The following PDE1C variants were observed in gnomAD, a reference collection of about 807,000 sequenced individuals.
PDE1C encodes dual specificity calcium/calmodulin-dependent 3',5'-cyclic nucleotide phosphodiesterase 1C.
PDE1C carries 62 observed loss-of-function variants against 93.1 expected under a neutral mutation model. The observed-to-expected ratio is 0.67, with a 90% confidence interval of 0.54 to 0.82. The LOEUF is 0.82. Among genes scored for constraint, PDE1C ranks in the 40% least tolerant of loss-of-function variants. The pLI is 0.00. For missense variants in PDE1C, 742 were observed against 884.6 expected (o/e 0.84, Z 2.04); for synonymous variants, 325 against 310.1 (o/e 1.05, Z -0.50).
At chr7:31,767,228 A>G (rs1024989261) in intron 17 of PDE1C, among the ~76,000 whole-genome samples, 2 of 151,606 alleles carry the variant, frequency 1.3e-5, no homozygotes, top group Non-Finnish European at 2.9e-5. Flanking sequence ...ATTGTTGTTC[A>G]TTTGTTGATT....
At chr7:31,730,644 T>G in the PDE1C span, among the ~76,000 whole-genome samples, 3 of 152,218 alleles carry the variant, frequency 2.0e-5, no homozygotes, top group Non-Finnish European at 4.4e-5. Context: ...GCCAAGTACT[T>G]TATTAGGTAC....
intron 7 of PDE1C, 181 bp from the exon 8 acceptor site, chr7:31,850,922 T>G: frequency 3.5e-6 from 2 of 579,592 alleles, no homozygotes; most frequent in Non-Finnish European, 6.2e-6. Context: ...GACTTGTGAT[T>G]TGTTAACAAT....
At chr7:32,339,101 TTA>T (rs1303884501) in intron 1 of PDE1C, among the ~76,000 whole-genome samples, 1 of 151,696 alleles carries the variant, frequency 6.6e-6, no homozygotes, top group Non-Finnish European at 1.5e-5. Context: ...AAATTGAGTT[TTA>T]TTCAGCCTTA....
At chr7:32,130,874 C>A (rs55927570) in intron 3 of PDE1C, among the ~76,000 whole-genome samples, 30,819 of 151,902 alleles carry the variant, frequency 0.2, 3,761 homozygotes, top group Middle Eastern at 0.3. Flanking sequence ...TATAAGAGCA[C>A]CTCCTCATCT....
At chr7:32,082,966 G>A (rs1319808872) in intron 3 of PDE1C, among the ~76,000 whole-genome samples, 6 of 150,546 alleles carry the variant, frequency 4.0e-5, no homozygotes, top group Admixed American at 6.6e-5. Flanking sequence ...CCAAAGGAAC[G>A]CAGTTCCTCA....
chr7:32,316,033 A>G (rs1783163778), intron 1 of PDE1C, among the ~76,000 whole-genome samples: 2 of 152,206 alleles, frequency 1.3e-5, no homozygotes, highest in African/African-American at 4.8e-5. Flanking sequence ...TAAGATAAAT[A>G]TTAAACTAAA....
At chr7:32,002,341 C>G (rs540894398) in intron 2 of PDE1C, among the ~76,000 whole-genome samples, 1 of 152,134 alleles carries the variant, frequency 6.6e-6, no homozygotes, top group African/African-American at 2.4e-5. Context: ...TGCTACCCAG[C>G]CAAAGCAGGA....
the PDE1C span, among the ~76,000 whole-genome samples, chr7:31,725,449 A>C: frequency 6.6e-6 from 1 of 152,216 alleles, no homozygotes; most frequent in Non-Finnish European, 1.5e-5. Flanking sequence ...ATTTCTTACC[A>C]AAAGGAGAGC....
At chr7:31,670,837 T>C in the PDE1C span, among the ~76,000 whole-genome samples, 1 of 151,996 alleles carries the variant, frequency 6.6e-6, no homozygotes, top group Non-Finnish European at 1.5e-5. Flanking sequence ...CCTGTGCCCA[T>C]AAAAACCACA....
At chr7:31,838,134 A>C (rs1304421340) in intron 9 of PDE1C, among the ~76,000 whole-genome samples, 163 bp from the exon 10 acceptor site, 3 of 152,214 alleles carry the variant, frequency 2.0e-5, no homozygotes, top group Non-Finnish European at 4.4e-5. Flanking sequence ...GGAATAAATG[A>C]AAGCTAAGTA....
chr7:32,063,659 G>C (rs1795057074), intron 1 of PDE1C, among the ~76,000 whole-genome samples: 1 of 152,136 alleles, frequency 6.6e-6, no homozygotes, highest in African/African-American at 2.4e-5. Flanking sequence ...TACTTCTTTT[G>C]ATATTCACAT....
At chr7:31,657,486 G>A in the PDE1C span, among the ~76,000 whole-genome samples, 4 of 152,152 alleles carry the variant, frequency 2.6e-5, no homozygotes, top group African/African-American at 4.8e-5. Flanking sequence ...GTCAGGTATC[G>A]GTTCTGAGTC....
At chr7:32,206,133 C>A (rs28410285) in intron 2 of PDE1C, among the ~76,000 whole-genome samples, 51,734 of 151,844 alleles carry the variant, frequency 0.34, 9,420 homozygotes, top group Admixed American at 0.46. Context: ...ATTCAAACCC[C>A]GGCTTGACCC....
intron 7 of PDE1C, among the ~76,000 whole-genome samples, chr7:31,860,547 G>C (rs747268203): frequency 1.3e-4 from 20 of 152,134 alleles, no homozygotes; most frequent in Non-Finnish European, 2.6e-4. Context: ...TACCTTTTCT[G>C]TTAATTGCCT....
At chr7:31,999,362 G>C (rs1785161214) in intron 2 of PDE1C, among the ~76,000 whole-genome samples, 2 of 152,122 alleles carry the variant, frequency 1.3e-5, no homozygotes, top group African/African-American at 4.8e-5. Context: ...TTACACTTGG[G>C]AAAATGATCC....
chr7:31,888,101 T>A (rs911538625), intron 2 of PDE1C, among the ~76,000 whole-genome samples: 1 of 151,478 alleles, frequency 6.6e-6, no homozygotes, highest in Admixed American at 6.6e-5. Context: ...ACAAAAAAAA[T>A]TAGCCGAGTG....
intron 3 of PDE1C, among the ~76,000 whole-genome samples, chr7:32,162,283 T>C (rs1288082555): frequency 1.3e-5 from 2 of 151,994 alleles, no homozygotes; most frequent in East Asian, 3.9e-4. Flanking sequence ...AAATTAAATA[T>C]AGACAGACTG....
intron 1 of PDE1C, among the ~76,000 whole-genome samples, chr7:32,251,865 T>C (rs1809414554): frequency 1.3e-5 from 2 of 152,126 alleles, no homozygotes; most frequent in Non-Finnish European, 2.9e-5. Context: ...CAGCCCAGGG[T>C]GTCACCTGCT....
At chr7:32,048,589 G>A (rs1434591415) in intron 2 of PDE1C, among the ~76,000 whole-genome samples, 1 of 152,082 alleles carries the variant, frequency 6.6e-6, no homozygotes, top group Admixed American at 6.6e-5. Context: ...TACTATCTTG[G>A]AAGTGGAGTC....
Sources: allele counts gnomAD v4.1 joint callset (sites outside exome capture counted in the v4.1 genomes callset), GRCh38; gene constraint gnomAD v4.1.1; transcripts MANE v1.5; gene names NCBI Gene and HGNC (gene_info 2026-07-23, HGNC 2026-07-21).